STAB2: variants seen among roughly 807,000 people sequenced by gnomAD.
STAB2 encodes the protein stabilin 2.
In STAB2, 288 loss-of-function variants were observed where a neutral mutation model predicts 338.1. That is an observed-to-expected ratio of 0.85 (90% CI 0.77 to 0.94). STAB2 has a LOEUF of 0.94. STAB2 is among the 40% of genes least tolerant of loss of function. The probability of loss-of-function intolerance (pLI) is 0.00; values close to 1 mark genes in which losing one functional copy is unlikely to be tolerated. For missense variants in STAB2, 3,141 were observed against 3,210.1 expected, an observed-to-expected ratio of 0.98 and a Z score of 0.52; for synonymous variants, 1,202 against 1,193.3, an observed-to-expected ratio of 1.01 and a Z score of -0.15.
intron 3 of STAB2, among the ~76,000 whole-genome samples, chr12:103,602,265 C>T (rs192776705): frequency 2.0e-4 from 31 of 152,220 alleles, no homozygotes; most frequent in Admixed American, 1.6e-3. Context: ...ATAATGAATC[C>T]GAGATGCATC....
chr12:103,702,240 A>G (rs1161180451), intron 34 of STAB2, among the ~76,000 whole-genome samples: 3 of 151,872 alleles, frequency 2.0e-5, no homozygotes, highest in Admixed American at 6.6e-5. Context: ...TTGTTTATGG[A>G]CACGCTAAAC....
At chr12:103,615,776 G>T (rs1392724483) in intron 3 of STAB2, among the ~76,000 whole-genome samples, 1 of 152,094 alleles carries the variant, frequency 6.6e-6, no homozygotes, top group Non-Finnish European at 1.5e-5. Context: ...CTCTTCACAG[G>T]GTGGCAGAAC....
At position 103,637,973 on chromosome 12, in the gene STAB2, C is replaced by A. The variant is rs201959755; in HGVS notation, c.710-43C>A. On this transcript the variant is annotated intron_variant, in intron 7 of 68. Transcript: ENST00000388887. Reference sequence around the variant, plus strand: ...TCACGGTTCAGTTTTCCTTCTCCATCCCCGTTAACTAACTGCCTCTCATTT... The same window carrying A: ...TCACGGTTCAGTTTTCCTTCTCCATACCCGTTAACTAACTGCCTCTCATTT... 2,394 of 1,579,650 alleles carry A rather than the reference C, an allele frequency of 1.5e-3. 5 individuals are homozygous for A. Among genetic ancestry groups the A allele is most frequent in the Non-Finnish European group, 2.0e-3 (2,279 of 1,155,554 alleles).
intron 14 of STAB2, 45 bp downstream of exon 14, chr12:103,655,352 T>C: frequency 1.9e-6 from 3 of 1,605,364 alleles, no homozygotes; most frequent in Non-Finnish European, 2.5e-6. Context: ...ATGTCAAGAC[T>C]TTTGTAAAAT....
At chr12:103,640,730 T>G (rs1336312166) in intron 9 of STAB2, among the ~76,000 whole-genome samples, 1 of 152,174 alleles carries the variant, frequency 6.6e-6, no homozygotes, top group Non-Finnish European at 1.5e-5. Flanking sequence ...AAAACATTTG[T>G]GTGAAAGTTT....
At position 103,652,564 on chromosome 12, in the gene STAB2, G is replaced by C. The variant is rs990558990; in HGVS notation, c.1266G>C (p.Glu422Asp). ...DKGLKGFNVNELLVDNKAAQY... is the reference protein window; with the variant it reads ...DKGLKGFNVNDLLVDNKAAQY... ...TGGCTCTTCTCTCTTAGGTAAATGA[G>C]CTTTTGGTGGATAATAAAGCTGCTC... The change falls in exon 12 of 69, where the codon GAG (glutamate) becomes GAC (aspartate). Residue 422 changes from glutamate (E) to aspartate (D), a missense_variant. Glu to Asp is a conservative substitution (Grantham distance 45). Transcript: ENST00000388887. 1 of 1,581,426 alleles carries C rather than the reference G, an allele frequency of 6.3e-7. No homozygotes were observed. Among genetic ancestry groups the C allele is most frequent in the Non-Finnish European group, 8.6e-7 (1 of 1,167,534 alleles).
In STAB2 at chr12:103,594,418, A is replaced by G. The variant is rs1593119099; in HGVS notation, c.239A>G (p.Tyr80Cys). 6.2e-7 allele frequency: 1 copy of G among 1,613,484 alleles called. No individual in the cohort carries two copies. Among genetic ancestry groups the G allele is most frequent in the South Asian group, 1.1e-5 (1 of 91,026 alleles). The change falls in exon 3 of 69, where the codon TAC (tyrosine) becomes TGC (cysteine). Residue 80 changes from tyrosine to cysteine, a missense_variant. Physicochemically the swap from Tyr to Cys is radical, Grantham distance 194. Transcript: ENST00000388887. ...DCRYTFEVRT[Y>C]SLSLPGCRHI... ...AGGTACACCTTTGAGGTCAGAACAT[A>G]CTCTCTGTCTCTCCCCGGATGCCGC...
chr12:103,739,797 G>A (rs1001261059), intron 54 of STAB2, among the ~76,000 whole-genome samples: 2 of 152,052 alleles, frequency 1.3e-5, no homozygotes, highest in African/African-American at 4.8e-5. Flanking sequence ...GCTCTGTGCT[G>A]AGCCTTTATA....
At chr12:103,614,147 A>C (rs1359609761) in intron 3 of STAB2, among the ~76,000 whole-genome samples, 1 of 152,130 alleles carries the variant, frequency 6.6e-6, no homozygotes, top group Non-Finnish European at 1.5e-5. Flanking sequence ...ATGCCTAGTA[A>C]GTTTTATTGA....
At chr12:103,598,014 G>T (rs1447014880) in intron 3 of STAB2, among the ~76,000 whole-genome samples, 2 of 151,740 alleles carry the variant, frequency 1.3e-5, no homozygotes, top group Admixed American at 6.6e-5. Context: ...CTTTCTCACT[G>T]CATTTTTCTT....
rs1182070305 is a variant in STAB2, at chr12:103,765,093, A to C, written c.7606-1193A>C. ...CAGAGCAAGACTCTGTCTCAAAAAA[A>C]AAAAAAAAAAAAAAAAAAGGGAGGT... is the stretch of plus-strand genomic sequence containing the variant. On this transcript the variant is annotated intron_variant, in intron 68 of 68. Coordinates refer to ENST00000388887, the MANE Select transcript of STAB2 (RefSeq NM_017564.10). Among the ~76,000 whole-genome samples the C allele has an allele frequency of 4.7e-5, 7 of 149,754 alleles. 1 individual carries two copies. Among genetic ancestry groups the C allele is most frequent in the Admixed American group, 1.3e-4 (2 of 15,018 alleles).
chr12:103,665,567 C>T (rs192873399), intron 18 of STAB2, among the ~76,000 whole-genome samples: 5 of 152,260 alleles, frequency 3.3e-5, no homozygotes, highest in African/African-American at 1.2e-4. Flanking sequence ...AAGAGGTGAC[C>T]TCCTTCAGGA....
In STAB2 at chr12:103,728,833, T is replaced by C. The variant is rs1881413196; in HGVS notation, c.4936-16T>C. 1 of 1,613,642 alleles carries C rather than the reference T, an allele frequency of 6.2e-7. No individual in the cohort carries two copies. Among genetic ancestry groups the C allele is most frequent in the South Asian group, 1.1e-5 (1 of 91,052 alleles). ...ACTCCTGCCTCTGGCTGAAACCCTCTGATCTTCTGTTACAGGTTAAAGACT... is the reference window on the plus strand; with the variant it reads ...ACTCCTGCCTCTGGCTGAAACCCTCCGATCTTCTGTTACAGGTTAAAGACT... On this transcript the variant is annotated splice_polypyrimidine_tract_variant and intron_variant, in intron 47 of 68. Transcript: ENST00000388887.
Position 103,715,866 on chromosome 12 carries a change from G to C in STAB2, c.4589G>C (p.Cys1530Ser), listed in dbSNP as rs779320995. The change falls in exon 43 of 69, where the codon TGC becomes TCC. Residue 1530 changes from cysteine to serine, a missense_variant. Cys to Ser is a moderately radical substitution (Grantham distance 112). Coordinates refer to ENST00000388887, the MANE Select transcript of STAB2 (RefSeq NM_017564.10). The stretch of plus-strand genomic sequence containing the variant: ...GGTGGCTGTGACAAGAATGCGGAGT[G>C]CACACAGACAGGACCCAACCAGGTG... ...NHGGCDKNAE[C>S]TQTGPNQAAC... 12 of 1,613,984 alleles carry C rather than the reference G, an allele frequency of 7.4e-6. No homozygotes were observed. The highest frequency in any genetic ancestry group is 1.3e-5 in the African/African-American group (1 of 74,914).
chr12:103,627,986 A>G (rs1016989637), intron 5 of STAB2, among the ~76,000 whole-genome samples: 10 of 152,192 alleles, frequency 6.6e-5, no homozygotes. Context: ...GGAGCTGGGT[A>G]AATATTTTTG....
rs1566083517 is a variant in STAB2 at position 103,758,251 on chromosome 12, C to T, written c.7069C>T (p.Leu2357Phe). The T allele has an allele frequency of 6.2e-7, 1 of 1,614,082 alleles. No homozygotes were observed. Among genetic ancestry groups the T allele is most frequent in the African/African-American group, 1.3e-5 (1 of 75,056 alleles). ...HLTDLSIRGT[L>F]FVPQNSGLGE... ...GACTGACCTGTCCATCCGCGGCACC[C>T]TCTTTGTGCCACAGAACAGTGGGCT... The change falls in exon 64 of 69, where the codon CTC (leucine) becomes TTC (phenylalanine). Residue 2357 changes from leucine (L) to phenylalanine (F), a missense_variant. Physicochemically the swap from Leu to Phe is conservative, Grantham distance 22. Coordinates refer to ENST00000388887, the MANE Select transcript of STAB2 (RefSeq NM_017564.10).
intron 29 of STAB2, 55 bp from the exon 30 acceptor site, chr12:103,690,369 G>A: frequency 2.1e-6 from 3 of 1,413,874 alleles, no homozygotes; most frequent in Non-Finnish European, 2.0e-6. Context: ...ACTATTCAAT[G>A]ATACAGCCCC....
At position 103,705,680 on chromosome 12, in the gene STAB2, C is replaced by T. The variant is rs200863905; in HGVS notation, c.3949C>T (p.Arg1317Ter). 75 of 1,614,148 alleles carry T rather than the reference C, an allele frequency of 4.6e-5. 1 individual carries two copies. Among genetic ancestry groups the T allele is most frequent in the Middle Eastern group, 1.6e-4 (1 of 6,062 alleles). Residue 1317 changes from arginine (R) to a stop codon, truncating the protein, a stop_gained, in exon 37 of 69, where the codon CGA becomes TGA. Coordinates refer to ENST00000388887, the MANE Select transcript of STAB2 (RefSeq NM_017564.10). LOFTEE classifies it high-confidence loss of function. ...CIYTSYFMGR[R>*]TLFIGCQPKC... Reference sequence around the variant, plus strand: ...CTATACCTCCTATTTCATGGGAAGACGAACCCTGTTTATTGGGTGCCAGCC... The same window carrying T: ...CTATACCTCCTATTTCATGGGAAGATGAACCCTGTTTATTGGGTGCCAGCC...
Position 103,640,130 on chromosome 12 carries a change from G to GC in STAB2, c.915dup (p.Glu306ArgfsTer3). On this transcript the variant is annotated frameshift_variant, in exon 9 of 69. Transcript: ENST00000388887. LOFTEE classifies it high-confidence loss of function. ...TCTTCCTGTCTACTGAAGTCTCACTGCGAGTGTAAGGAGCATTACCAGAAT... is the reference window on the plus strand; with the variant it reads ...TCTTCCTGTCTACTGAAGTCTCACTGCCGAGTGTAAGGAGCATTACCAGAAT... The GC allele has an allele frequency of 6.2e-7, 1 of 1,611,968 alleles. No individual in the cohort carries two copies. Among genetic ancestry groups the GC allele is most frequent in the Non-Finnish European group, 8.5e-7 (1 of 1,178,638 alleles).
Sources: allele counts gnomAD v4.1 joint callset (sites outside exome capture counted in the v4.1 genomes callset), GRCh38; gene constraint gnomAD v4.1.1; transcripts MANE v1.5; gene names NCBI Gene and HGNC (gene_info 2026-07-23, HGNC 2026-07-21).